The following UBE4B variants were observed in gnomAD, a reference collection of about 807,000 sequenced individuals.
UBE4B encodes the protein ubiquitin conjugation factor E4 B.
Under a neutral mutation model 148.1 loss-of-function variants are expected in UBE4B, and 27 were observed. The ratio of observed to expected loss-of-function variants is 0.18; its 90% CI spans 0.13 to 0.25. The LOEUF (loss-of-function observed/expected upper bound fraction) is 0.25, where lower values mean the gene tolerates loss of function less well. Ranked by LOEUF, UBE4B falls within the 10% of genes least tolerant of loss-of-function variation. The pLI is 1.00. For missense variants in UBE4B, 1,170 were observed against 1,662.4 expected, an observed-to-expected ratio of 0.70 and a Z score of 5.15; for synonymous variants, 596 against 619.3, an observed-to-expected ratio of 0.96 and a Z score of 0.56.
At chr1:10,081,302 T>A (rs1644676264) in intron 2 of UBE4B, among the ~76,000 whole-genome samples, 1 of 152,006 alleles carries the variant, frequency 6.6e-6, no homozygotes, top group East Asian at 1.9e-4. Context: ...TCAGATGATC[T>A]GCCCACCTCG....
intron 2 of UBE4B, among the ~76,000 whole-genome samples, chr1:10,080,128 G>A (rs1644652490): frequency 6.6e-6 from 1 of 152,044 alleles, no homozygotes; most frequent in African/African-American, 2.4e-5. Flanking sequence ...TTATCTGATT[G>A]AAAATTCTAC....
chr1:10,045,760 G>C (rs542551697), intron 1 of UBE4B, among the ~76,000 whole-genome samples: 15 of 152,184 alleles, frequency 9.9e-5, no homozygotes, highest in South Asian at 2.1e-4. Context: ...GTGGTTGAGA[G>C]GGGGAGAAAG....
At chr1:10,157,801 T>G (rs1646098593) in intron 21 of UBE4B, among the ~76,000 whole-genome samples, 2 of 151,818 alleles carry the variant, frequency 1.3e-5, no homozygotes, top group East Asian at 3.9e-4. Context: ...AATAATAAAA[T>G]TTGTCATGAA....
At chr1:10,167,741 C>T (rs964368641) in intron 23 of UBE4B, among the ~76,000 whole-genome samples, 1 of 151,894 alleles carries the variant, frequency 6.6e-6, no homozygotes, top group African/African-American at 2.4e-5. Flanking sequence ...TACAGCCACG[C>T]ACCACCACCC....
At position 10,033,557 on chromosome 1, in the gene UBE4B, C is replaced by T; in HGVS notation, c.-114C>T. ...CTGACTATGCAATTCTGAAACCTCC[C>T]CCATTCGGGGGACCAGACAGCCTGA... On this transcript the variant is annotated 5_prime_UTR_variant, in exon 1 of 28. Transcript: ENST00000343090. 7.8e-7 allele frequency: 1 copy of T among 1,274,012 alleles called. No individual in the cohort carries two copies. The highest frequency in any genetic ancestry group is 1.0e-6 in the Non-Finnish European group (1 of 962,254). The allele number at this position is 1,274,012 out of a possible 1,614,324, so 78.9% of individuals were successfully genotyped here. A position where few individuals can be genotyped will look rare whatever the true frequency, so the allele number is the denominator to read the frequency against.
rs115566512 is a variant in UBE4B at position 10,065,830 on chromosome 1, G to A, written c.25-6198G>A. Among the ~76,000 whole-genome samples the A allele has an allele frequency of 8.0e-3, 1,217 of 152,140 alleles. 17 individuals are homozygous for A. Among genetic ancestry groups the A allele is most frequent in the African/African-American group, 0.028 (1,169 of 41,478 alleles). ...TGCCATTTGCATTTATGTATAATTT[G>A]CACTAATAATAATGTTCATTATAAT... On this transcript the variant is annotated intron_variant, in intron 1 of 27. Transcript: ENST00000343090.
chr1:10,127,212 A>C (rs932654419), intron 11 of UBE4B, among the ~76,000 whole-genome samples: 1 of 152,142 alleles, frequency 6.6e-6, no homozygotes, highest in Non-Finnish European at 1.5e-5. Flanking sequence ...TAAAAAAAAA[A>C]AACCTATTAA....
At chr1:10,169,613 T>C (rs1301360975) in intron 24 of UBE4B, among the ~76,000 whole-genome samples, 1 of 152,244 alleles carries the variant, frequency 6.6e-6, no homozygotes, top group East Asian at 1.9e-4. Context: ...TTTGCAGAAT[T>C]CTGTGAAGGC....
At chr1:10,037,888 G>T (rs562133658) in intron 1 of UBE4B, among the ~76,000 whole-genome samples, 26 of 152,242 alleles carry the variant, frequency 1.7e-4, no homozygotes, top group African/African-American at 6.3e-4. Context: ...TTCGACAATG[G>T]TAATGAGATT....
At chr1:10,091,688 T>C (rs1644850729) in intron 2 of UBE4B, among the ~76,000 whole-genome samples, 2 of 151,948 alleles carry the variant, frequency 1.3e-5, no homozygotes, top group Admixed American at 6.6e-5. Context: ...CCACTGCAAC[T>C]TCCACCACCT....
At chr1:10,126,275 G>C (rs1645492078) in intron 10 of UBE4B, among the ~76,000 whole-genome samples, 1 of 152,058 alleles carries the variant, frequency 6.6e-6, no homozygotes, top group South Asian at 2.1e-4. Flanking sequence ...ACTCCAGTCT[G>C]GGTGACAGAG....
At chr1:10,160,902 C>T (rs1340089275) in intron 22 of UBE4B, among the ~76,000 whole-genome samples, 2 of 152,114 alleles carry the variant, frequency 1.3e-5, no homozygotes, top group East Asian at 1.9e-4. Flanking sequence ...GTGATTGTGC[C>T]ACTGCATTCC....
intron 1 of UBE4B, among the ~76,000 whole-genome samples, chr1:10,047,484 A>G (rs1193123548): frequency 6.9e-6 from 1 of 145,102 alleles, no homozygotes; most frequent in African/African-American, 2.6e-5. Context: ...AAAGCTTCAT[A>G]TATCTTTTTT....
intron 17 of UBE4B, among the ~76,000 whole-genome samples, chr1:10,144,125 C>G (rs1269043112): frequency 6.6e-6 from 1 of 152,102 alleles, no homozygotes; most frequent in Admixed American, 6.6e-5. Flanking sequence ...GATGGGGAAG[C>G]CTTTTACTGC....
chr1:10,176,247 A>G (rs1021366823), intron 25 of UBE4B, among the ~76,000 whole-genome samples: 5 of 152,236 alleles, frequency 3.3e-5, no homozygotes, highest in Admixed American at 3.3e-4. Context: ...ATCCTCATCC[A>G]TTGATAGACA....
At chr1:10,040,477 C>T (rs959201102) in intron 1 of UBE4B, among the ~76,000 whole-genome samples, 2 of 152,062 alleles carry the variant, frequency 1.3e-5, no homozygotes, top group Non-Finnish European at 2.9e-5. Flanking sequence ...TCTCAAACTC[C>T]TGGGCTCAAG....
chr1:10,038,919 G>C (rs990989123), intron 1 of UBE4B, among the ~76,000 whole-genome samples: 1 of 152,054 alleles, frequency 6.6e-6, no homozygotes, highest in Non-Finnish European at 1.5e-5. Context: ...AATTTGCTGG[G>C]TGTGATGGTA....
chr1:10,108,063 T>G (rs1018514055), intron 7 of UBE4B, among the ~76,000 whole-genome samples: 11 of 152,200 alleles, frequency 7.2e-5, no homozygotes, highest in African/African-American at 2.7e-4. Context: ...TGACAACTTG[T>G]ACTCTCTGAG....
At chr1:10,179,217 A>G in intron 26 of UBE4B, 199 bp from the exon 27 acceptor site, 2 of 622,764 alleles carry the variant, frequency 3.2e-6, no homozygotes, top group Non-Finnish European at 5.3e-6. Flanking sequence ...AGTAGCTGAC[A>G]AAGAAGCGCC....
Sources: allele counts gnomAD v4.1 joint callset (sites outside exome capture counted in the v4.1 genomes callset), GRCh38; gene constraint gnomAD v4.1.1; transcripts MANE v1.5; gene names NCBI Gene and HGNC (gene_info 2026-07-23, HGNC 2026-07-21).